Variants in TIAM1 observed in about 807,000 individuals in gnomAD.
The protein encoded by TIAM1 is rho guanine nucleotide exchange factor TIAM1.
TIAM1 carries 65 observed loss-of-function variants against 163.5 expected under a neutral mutation model. That is an observed-to-expected ratio of 0.40 (90% CI 0.33 to 0.49). The LOEUF is 0.49. Among genes scored for constraint, TIAM1 ranks in the 20% least tolerant of loss-of-function variants. The pLI is 0.77. For missense variants in TIAM1, 1,789 were observed against 2,044.7 expected (o/e 0.87, Z 2.41); for synonymous variants, 833 against 810.1 (o/e 1.03, Z -0.48).
chr21:31,360,398 T>C (rs2076389062), intron 2 of TIAM1, among the ~76,000 whole-genome samples: 2 of 152,032 alleles, frequency 1.3e-5, no homozygotes, highest in African/African-American at 2.4e-5. Flanking sequence ...TGTCCTTGTA[T>C]TATCTAGGAA....
At chr21:31,169,877 C>G (rs1271215212) in intron 15 of TIAM1, among the ~76,000 whole-genome samples, 2 of 151,888 alleles carry the variant, frequency 1.3e-5, no homozygotes, top group Admixed American at 6.6e-5. Flanking sequence ...ACTTTGGTTT[C>G]TGTTAATAAT....
At chr21:31,387,195 C>CTT (rs60592178) in intron 2 of TIAM1, among the ~76,000 whole-genome samples, 6,441 of 74,282 alleles carry the variant, frequency 0.087, 379 homozygotes, top group Non-Finnish European at 0.11. Context: ...AGCTTATTCT[C>CTT]TTTTTTTTTT....
chr21:31,449,615 T>C (rs2044751580), intron 2 of TIAM1, among the ~76,000 whole-genome samples: 1 of 152,112 alleles, frequency 6.6e-6, no homozygotes, highest in Non-Finnish European at 1.5e-5. Flanking sequence ...TGACCTCAGA[T>C]GATCTGCCCG....
intron 1 of TIAM1, among the ~76,000 whole-genome samples, chr21:31,519,936 C>T (rs1389735496): frequency 1.0e-5 from 1 of 96,934 alleles, no homozygotes; most frequent in African/African-American, 3.5e-5. Flanking sequence ...TACGGAGTTT[C>T]GGAGTTTCCA....
intron 6 of TIAM1, among the ~76,000 whole-genome samples, chr21:31,226,936 G>C (rs1344128790): frequency 6.9e-6 from 1 of 144,216 alleles, no homozygotes; most frequent in African/African-American, 2.5e-5. Context: ...GTGATGGCTT[G>C]TATACAAAAT....
intron 27 of TIAM1, among the ~76,000 whole-genome samples, chr21:31,121,884 G>T (rs73347736): frequency 6.6e-6 from 1 of 152,082 alleles, no homozygotes; most frequent in South Asian, 2.1e-4. Flanking sequence ...AGAGTGAAGC[G>T]GTTGTTGCAT....
rs574416760 is a variant in TIAM1 at position 31,553,381 on chromosome 21, G to A, written c.-422+5546C>T. On this transcript the variant is annotated intron_variant, in intron 1 of 28. Transcript: ENST00000286827. ...GGAGATGGAGATGCACATTCTGCAA[G>A]AAGGAAAGAACTTACACTTTACTCC... Among the ~76,000 whole-genome samples, 4 of 152,292 alleles carry A rather than the reference G, an allele frequency of 2.6e-5. No homozygotes were observed. In the South Asian group the frequency reaches 6.2e-4, roughly 24 times the overall value.
intron 12 of TIAM1, among the ~76,000 whole-genome samples, chr21:31,198,602 A>G (rs2086008766): frequency 6.6e-6 from 1 of 152,266 alleles, no homozygotes; most frequent in Non-Finnish European, 1.5e-5. Context: ...AGGAAATGTT[A>G]TCAACTACGT....
intron 2 of TIAM1, among the ~76,000 whole-genome samples, chr21:31,457,180 C>G (rs2045136261): frequency 6.6e-6 from 1 of 152,132 alleles, no homozygotes; most frequent in South Asian, 2.1e-4. Context: ...CAGGCTCCGG[C>G]AGGGAGCTCA....
intron 2 of TIAM1, among the ~76,000 whole-genome samples, chr21:31,406,706 A>C (rs942134467): frequency 6.6e-6 from 1 of 152,220 alleles, no homozygotes. Flanking sequence ...CAGAGCTCTC[A>C]GCCCTGTAGG....
chr21:31,300,337 C>A (rs1458383169), intron 2 of TIAM1, among the ~76,000 whole-genome samples: 1 of 152,076 alleles, frequency 6.6e-6, no homozygotes, highest in African/African-American at 2.4e-5. Flanking sequence ...TCAGGTATTT[C>A]TTTATAGCAA....
intron 2 of TIAM1, among the ~76,000 whole-genome samples, chr21:31,420,868 T>C (rs1374894723): frequency 6.6e-6 from 1 of 152,132 alleles, no homozygotes; most frequent in Non-Finnish European, 1.5e-5. Context: ...ACGTCTGTAA[T>C]CCCAGCACTT....
At chr21:31,292,704 T>C (rs1275334839) in intron 2 of TIAM1, among the ~76,000 whole-genome samples, 3 of 147,816 alleles carry the variant, frequency 2.0e-5, no homozygotes, top group Non-Finnish European at 4.5e-5. Flanking sequence ...GGTCTCACTT[T>C]GTTACCCAGG....
chr21:31,153,906 A>C (rs944306341), intron 17 of TIAM1, among the ~76,000 whole-genome samples: 4 of 150,734 alleles, frequency 2.7e-5, no homozygotes, highest in African/African-American at 7.3e-5. Flanking sequence ...ACAAAAAAAA[A>C]CAGAAAACGG....
intron 12 of TIAM1, among the ~76,000 whole-genome samples, chr21:31,201,704 G>A (rs1454048182): frequency 1.3e-5 from 2 of 152,092 alleles, no homozygotes; most frequent in East Asian, 1.9e-4. Flanking sequence ...GTTCAGTTCC[G>A]CTTTCTGTGG....
intron 17 of TIAM1, 26 bp from the exon 18 acceptor site, chr21:31,153,160 A>G (rs2083457187): frequency 1.3e-6 from 2 of 1,576,778 alleles, no homozygotes; most frequent in South Asian, 1.1e-5. Flanking sequence ...AGAACTCATT[A>G]GCTTATGTGT....
At position 31,146,878 on chromosome 21, in the gene TIAM1, A is replaced by G. The variant is rs1047477867; in HGVS notation, c.3475+17T>C. The stretch of plus-strand genomic sequence containing the variant: ...ACAAGCAACACACCCCCACCTCCAC[A>G]TCCTCAGAGGCCTTACCTTTCACCA... On this transcript the variant is annotated intron_variant, in intron 20 of 27. Coordinates refer to ENST00000541036, the MANE Select transcript of TIAM1 (RefSeq NM_001353694.2). The G allele has an allele frequency of 7.5e-6, 12 of 1,607,296 alleles. No homozygotes were observed. The highest frequency in any genetic ancestry group is 2.7e-5 in the African/African-American group (2 of 74,738).
intron 1 of TIAM1, among the ~76,000 whole-genome samples, chr21:31,494,606 A>G (rs1307332040): frequency 6.6e-6 from 1 of 152,212 alleles, no homozygotes; most frequent in Non-Finnish European, 1.5e-5. Flanking sequence ...GCACTTTGGG[A>G]GGCCGAGGCA....
rs1569068594 is a variant in TIAM1, at chr21:31,228,225, A to T, written c.1585-2275T>A. Among the ~76,000 whole-genome samples the T allele has an allele frequency of 2.3e-3, 60 of 25,944 alleles. 3 individuals are homozygous for T. Among genetic ancestry groups the T allele is most frequent in the East Asian group, 6.0e-3 (4 of 672 alleles). 17.0% of individuals were successfully genotyped at this position (25,944 alleles called of 152,430 possible). On this transcript the variant is annotated intron_variant, in intron 6 of 27. Coordinates refer to ENST00000541036, the MANE Select transcript of TIAM1 (RefSeq NM_001353694.2). ...CATGCCCGGCCTCCTTTTTTTAAAA[A>T]AAAAAAAAAAAAAAAAAAAAAAAAA...
Sources: gnomAD v4.1 joint callset for allele counts (sites outside exome capture counted in the v4.1 genomes callset) on GRCh38, gnomAD v4.1.1 for gene constraint, MANE v1.5 for transcripts, NCBI Gene and HGNC (gene_info 2026-07-23, HGNC 2026-07-21) for gene names.